NELL1: variants seen among roughly 807,000 people sequenced by gnomAD.
The protein encoded by NELL1 is protein kinase C-binding protein NELL1.
NELL1 carries 76 observed loss-of-function variants against 107.4 expected under a neutral mutation model. The observed-to-expected ratio is 0.71, with a 90% CI of 0.59 to 0.86. The LOEUF (loss-of-function observed/expected upper bound fraction) is 0.86. NELL1 is among the 40% of genes least tolerant of loss of function. NELL1 has a pLI of 0.00. For missense variants in NELL1, 1,024 were observed against 1,005.5 expected (o/e 1.02, Z -0.25); for synonymous variants, 353 against 341.2 (o/e 1.03, Z -0.38).
chr11:20,713,214 G>T (rs1418860909), intron 2 of NELL1, among the ~76,000 whole-genome samples: 1 of 152,108 alleles, frequency 6.6e-6, no homozygotes, highest in African/African-American at 2.4e-5. Flanking sequence ...TGATGGGCAG[G>T]TCTACAAAGC....
chr11:21,283,495 G>A (rs960089258), intron 14 of NELL1, among the ~76,000 whole-genome samples: 3 of 152,234 alleles, frequency 2.0e-5, no homozygotes, highest in East Asian at 1.9e-4. Context: ...AATAAAGTCT[G>A]TGTTTTTAAA....
chr11:21,015,203 T>C (rs1852537703), intron 12 of NELL1, among the ~76,000 whole-genome samples: 1 of 152,096 alleles, frequency 6.6e-6, no homozygotes, highest in Non-Finnish European at 1.5e-5. Flanking sequence ...GATGAATATA[T>C]TAGTTTCATA....
At chr11:21,064,345 A>G (rs1273293441) in intron 12 of NELL1, among the ~76,000 whole-genome samples, 2 of 152,142 alleles carry the variant, frequency 1.3e-5, no homozygotes, top group African/African-American at 4.8e-5. Context: ...TAGAAGGAAT[A>G]CTAGTTTTGA....
intron 5 of NELL1, among the ~76,000 whole-genome samples, chr11:20,901,579 A>G (rs2134132672): frequency 6.9e-6 from 1 of 143,960 alleles, no homozygotes; most frequent in Non-Finnish European, 1.5e-5. Flanking sequence ...TTTTTTCCTG[A>G]TGGACTCTGA....
At chr11:20,864,183 A>T (rs1031334031) in intron 4 of NELL1, among the ~76,000 whole-genome samples, 15 of 152,066 alleles carry the variant, frequency 9.9e-5, no homozygotes, top group East Asian at 1.9e-4. Flanking sequence ...AATTAAAAAA[A>T]TTTTTTAAAT....
At chr11:20,944,815 T>C (rs1487257874) in intron 10 of NELL1, among the ~76,000 whole-genome samples, 1 of 152,200 alleles carries the variant, frequency 6.6e-6, no homozygotes, top group East Asian at 1.9e-4. Context: ...ATATTTGGGA[T>C]TATGATCTTA....
At chr11:20,783,913 C>G (rs1004465416) in intron 3 of NELL1, 83 bp downstream of exon 3, 8 of 1,327,822 alleles carry the variant, frequency 6.0e-6, no homozygotes, top group Non-Finnish European at 8.0e-6. Context: ...AGTTTGTAGC[C>G]CCATGAAAAC....
intron 13 of NELL1, among the ~76,000 whole-genome samples, chr11:21,149,484 GA>G (rs1187056405): frequency 5.3e-5 from 8 of 152,216 alleles, no homozygotes; most frequent in Middle Eastern, 3.2e-3. Flanking sequence ...TCCCATTTAT[GA>G]AACCATCAGA....
chr11:20,683,098 C>T (rs971327972), intron 2 of NELL1, among the ~76,000 whole-genome samples: 2 of 150,578 alleles, frequency 1.3e-5, no homozygotes, highest in African/African-American at 2.4e-5. Flanking sequence ...TTCTTTGTTC[C>T]CTTTCCCCTC....
chr11:21,420,016 T>A (rs1852620063), intron 15 of NELL1, among the ~76,000 whole-genome samples: 1 of 152,094 alleles, frequency 6.6e-6, no homozygotes, highest in Non-Finnish European at 1.5e-5. Context: ...CATATTACAC[T>A]TGCCATATTA....
At chr11:20,984,045 T>C (rs1033377924) in intron 12 of NELL1, among the ~76,000 whole-genome samples, 2 of 152,198 alleles carry the variant, frequency 1.3e-5, no homozygotes, top group Admixed American at 6.5e-5. Flanking sequence ...CTATCTTTTT[T>C]TTCAGATCTC....
chr11:20,734,156 G>C (rs1855709430), intron 2 of NELL1, among the ~76,000 whole-genome samples: 1 of 152,148 alleles, frequency 6.6e-6, no homozygotes, highest in Non-Finnish European at 1.5e-5. Context: ...TGGTGAGTTT[G>C]AGGAAAATGT....
chr11:21,163,908 G>A (rs375641909), intron 13 of NELL1, among the ~76,000 whole-genome samples: 1 of 151,812 alleles, frequency 6.6e-6, no homozygotes. Context: ...TTTGAGGGGG[G>A]TGGGTAAAGA....
At chr11:20,776,814 T>G (rs1856760666) in intron 2 of NELL1, among the ~76,000 whole-genome samples, 1 of 152,058 alleles carries the variant, frequency 6.6e-6, no homozygotes. Context: ...GAAGCATCAG[T>G]TGAATGCCAT....
At chr11:21,048,125 A>G (rs1367609471) in intron 12 of NELL1, among the ~76,000 whole-genome samples, 1 of 135,922 alleles carries the variant, frequency 7.4e-6, no homozygotes, top group Non-Finnish European at 1.5e-5. Context: ...CTTATTAGGA[A>G]ACATCCATTT....
intron 15 of NELL1, among the ~76,000 whole-genome samples, chr11:21,458,399 T>C (rs1853805521): frequency 6.6e-6 from 1 of 152,094 alleles, no homozygotes. Context: ...GAGATGTAGA[T>C]AAAGATTTAT....
chr11:21,319,776 C>T (rs1190001062), intron 14 of NELL1, among the ~76,000 whole-genome samples: 8 of 151,714 alleles, frequency 5.3e-5, no homozygotes, highest in African/African-American at 1.5e-4. Flanking sequence ...GGTGAAACCC[C>T]GTCTCTACTA....
chr11:21,012,463 C>T (rs1852469112), intron 12 of NELL1, among the ~76,000 whole-genome samples: 1 of 152,082 alleles, frequency 6.6e-6, no homozygotes, highest in African/African-American at 2.4e-5. Flanking sequence ...TCTATTAGGA[C>T]AAGCTATGAT....
intron 15 of NELL1, among the ~76,000 whole-genome samples, chr11:21,394,830 C>G (rs926778348): frequency 6.6e-6 from 1 of 151,466 alleles, no homozygotes; most frequent in Non-Finnish European, 1.5e-5. Flanking sequence ...TTCAGATATT[C>G]TATAAGCTTA....
Sources: allele counts gnomAD v4.1 joint callset (sites outside exome capture counted in the v4.1 genomes callset), GRCh38; gene constraint gnomAD v4.1.1; transcripts MANE v1.5; gene names NCBI Gene and HGNC (gene_info 2026-07-23, HGNC 2026-07-21).